The following FXR2 variants were observed in gnomAD, a reference collection of about 807,000 sequenced individuals.
FXR2 encodes FMR1 autosomal homolog 2, also known as RNA-binding protein FXR2.
FXR2 carries 9 observed loss-of-function variants against 87.3 expected under a neutral mutation model. The observed-to-expected ratio is 0.10, with a 90% CI of 0.06 to 0.18. The LOEUF is 0.18. Among genes scored for constraint, FXR2 ranks in the 10% least tolerant of loss-of-function variants. FXR2 has a pLI of 1.00. For synonymous variants in FXR2, 331 were observed against 328.3 expected, an observed-to-expected ratio of 1.01 and a Z score of -0.09; for missense variants, 661 against 893.6, an observed-to-expected ratio of 0.74 and a Z score of 3.32.
rs2071928054 is a variant in FXR2, at chr17:7,614,633, G to A, written c.-101C>T. ...GCGTCTCCCCGGAGGAGGAGCCGGAGGGGGAGCCGCGGGGGGCGGGAGCCG... is the reference window on the plus strand; with the variant it reads ...GCGTCTCCCCGGAGGAGGAGCCGGAAGGGGAGCCGCGGGGGGCGGGAGCCG... On this transcript the variant is annotated 5_prime_UTR_variant, in exon 1 of 17. Transcript: ENST00000250113. The A allele has an allele frequency of 7.8e-6, 5 of 640,582 alleles. No individual in the cohort carries two copies. The highest frequency in any genetic ancestry group is 1.1e-5 in the Non-Finnish European group (5 of 451,406). The allele number at this position is 640,582 out of a possible 1,614,324, so 39.7% of individuals were successfully genotyped here.
chr17:7,604,718 C>T (rs1009698713), intron 3 of FXR2, among the ~76,000 whole-genome samples: 2 of 142,826 alleles, frequency 1.4e-5, no homozygotes, highest in African/African-American at 5.2e-5. Flanking sequence ...ATTTGGGATG[C>T]ATCTTTTTTT....
intron 1 of FXR2, 29 bp from the exon 2 acceptor site, chr17:7,606,178 A>C: frequency 6.9e-7 from 1 of 1,447,562 alleles, no homozygotes; most frequent in Non-Finnish European, 9.5e-7. Flanking sequence ...AAAAGCAAAA[A>C]AAATAAAATG....
chr17:7,610,996 A>C (rs1294502425), intron 1 of FXR2, among the ~76,000 whole-genome samples: 2 of 152,238 alleles, frequency 1.3e-5, no homozygotes, highest in Admixed American at 6.5e-5. Flanking sequence ...GGAGAAGAGC[A>C]GGAACAGTCT....
chr17:7,608,279 T>C (rs943558260), intron 1 of FXR2, among the ~76,000 whole-genome samples: 1 of 151,708 alleles, frequency 6.6e-6, no homozygotes, highest in African/African-American at 2.4e-5. Flanking sequence ...AGATATCTTG[T>C]TCCAGCACTG....
intron 6 of FXR2, among the ~76,000 whole-genome samples, chr17:7,601,935 A>G (rs970320152): frequency 1.3e-5 from 2 of 152,132 alleles, no homozygotes; most frequent in Non-Finnish European, 2.9e-5. Context: ...TCAAAAAAAA[A>G]AGAAATGAAG....
intron 7 of FXR2, among the ~76,000 whole-genome samples, chr17:7,596,801 T>G (rs2071711213): frequency 6.6e-6 from 1 of 152,078 alleles, no homozygotes; most frequent in African/African-American, 2.4e-5. Flanking sequence ...CTCAACAACT[T>G]AAGTAAAAAG....
At chr17:7,601,962 T>A (rs906093568) in intron 6 of FXR2, among the ~76,000 whole-genome samples, 2 of 151,970 alleles carry the variant, frequency 1.3e-5, no homozygotes, top group Non-Finnish European at 2.9e-5. Flanking sequence ...AGGAGGAGAC[T>A]CATTGTCAGT....
intron 1 of FXR2, among the ~76,000 whole-genome samples, chr17:7,609,924 G>A (rs1255724126): frequency 1.7e-5 from 2 of 120,798 alleles, no homozygotes; most frequent in African/African-American, 3.4e-5. Flanking sequence ...ATATATACAT[G>A]TATATGTATA....
In FXR2 at chr17:7,594,787, TAAAAC is replaced by T; in HGVS notation, c.832-35_832-31del. 7.1e-7 allele frequency: 1 copy of T among 1,411,466 alleles called. No homozygotes were observed. Among genetic ancestry groups the T allele is most frequent in the Non-Finnish European group, 1.0e-6 (1 of 995,280 alleles). 87.4% of individuals were successfully genotyped at this position (1,411,466 alleles called of 1,614,324 possible). A position where few individuals can be genotyped will look rare whatever the true frequency, so the allele number is the denominator to read the frequency against. On this transcript the variant is annotated intron_variant, in intron 8 of 16. Coordinates refer to ENST00000250113, the MANE Select transcript of FXR2 (RefSeq NM_004860.4). The surrounding 1 kb of genome is among the most constrained non-coding windows in gnomAD (Gnocchi z 5.1). ...AGGAAGAACAGCAGGGAGTTGTTAC[TAAAAC>T]AGAAGACCAGCTGGATGTGGTGGCT...
Position 7,603,885 on chromosome 17 carries a change from A to G in FXR2, c.321T>C (p.Ala107=), listed in dbSNP as rs761551567. 6.2e-7 allele frequency: 1 copy of G among 1,614,040 alleles called. No homozygotes were observed. Among genetic ancestry groups the G allele is most frequent in the Non-Finnish European group, 8.5e-7 (1 of 1,179,900 alleles). ...MKGDFYVIEY[A]ACDATYNEIV... ...TTTCATTGTAGGTGGCATCACAGGC[A>G]GCATATTCAATGACATAGAACTGGC... The change falls in exon 5 of 17, where the codon GCT becomes GCC. Residue 107 remains alanine, a synonymous_variant. Coordinates refer to ENST00000250113, the MANE Select transcript of FXR2 (RefSeq NM_004860.4).
intron 7 of FXR2, among the ~76,000 whole-genome samples, chr17:7,597,545 A>T (rs1160472619): frequency 6.7e-6 from 1 of 150,122 alleles, no homozygotes; most frequent in African/African-American, 2.5e-5. Context: ...CAGTGGCATG[A>T]TCTCTGCTCA....
intron 7 of FXR2, among the ~76,000 whole-genome samples, chr17:7,599,866 G>A (rs2071739028): frequency 6.6e-6 from 1 of 152,084 alleles, no homozygotes; most frequent in Admixed American, 6.6e-5. Context: ...CGACAGAGAC[G>A]CTATCTCAAA....
At chr17:7,610,031 CATGT>C (rs1421515611) in intron 1 of FXR2, among the ~76,000 whole-genome samples, 1 of 116,562 alleles carries the variant, frequency 8.6e-6, no homozygotes, top group Non-Finnish European at 1.7e-5. Flanking sequence ...TATATGTATA[CATGT>C]ATGTATATAT....
rs953201437 is a variant in FXR2, at chr17:7,591,697, G to A, written c.*133C>T. ...CTCCACTAGCTCCTGGAGGTTGGGG[G>A]GTACCCAAGCTGCTGTGCCACCCCC... is the stretch of plus-strand genomic sequence containing the variant. On this transcript the variant is annotated 3_prime_UTR_variant, in exon 17 of 17. Coordinates refer to ENST00000250113, the MANE Select transcript of FXR2 (RefSeq NM_004860.4). This position sits in a 1 kb window ranked among gnomAD's most constrained non-coding sequence, Gnocchi z 4.0. 1.4e-6 allele frequency: 1 copy of A among 701,124 alleles called. No homozygotes were observed. Among genetic ancestry groups the A allele is most frequent in the Non-Finnish European group, 2.6e-6 (1 of 378,906 alleles). 43.4% of individuals were successfully genotyped at this position (701,124 alleles called of 1,614,324 possible).
Position 7,614,721 on chromosome 17 carries a change from C to A in FXR2, c.-189G>T. ...AGGGGGCCGGGGCCGGGCCGCTCCC[C>A]GTCCGCCGCCGCCGCCTTGGTCTCC... On this transcript the variant is annotated 5_prime_UTR_variant, in exon 1 of 17. Coordinates refer to ENST00000250113, the MANE Select transcript of FXR2 (RefSeq NM_004860.4). The A allele has an allele frequency of 3.6e-6, 1 of 274,652 alleles. No homozygotes were observed. The highest frequency in any genetic ancestry group is 6.7e-6 in the Non-Finnish European group (1 of 148,486). 17.0% of individuals were successfully genotyped at this position (274,652 alleles called of 1,614,324 possible).
At position 7,593,282 on chromosome 17, in the gene FXR2, C is replaced by T; in HGVS notation, c.1331-101G>A. On this transcript the variant is annotated intron_variant, in intron 12 of 16. Coordinates refer to ENST00000250113, the MANE Select transcript of FXR2 (RefSeq NM_004860.4). The surrounding 1 kb of genome is among the most constrained non-coding windows in gnomAD (Gnocchi z 6.1). ...ATTCTCCTTCTCACTCACAAGCCTC[C>T]CAGCCAATCAATCACTTTTTCATCA... The T allele has an allele frequency of 8.1e-7, 1 of 1,227,674 alleles. No individual in the cohort carries two copies. Among genetic ancestry groups the T allele is most frequent in the East Asian group, 2.5e-5 (1 of 39,264 alleles). The allele number at this position is 1,227,674 out of a possible 1,614,324, so 76.0% of individuals were successfully genotyped here. A position where few individuals can be genotyped will look rare whatever the true frequency, so the allele number is the denominator to read the frequency against.
chr17:7,593,790 C>A lies in FXR2; in HGVS notation c.1107+128G>T. ...ATTCTGGGACCCAACCCTATAGCCC[C>A]AAATTTCCACAGATGTTTTCTGTTC... On this transcript the variant is annotated intron_variant, in intron 11 of 16. Transcript: ENST00000250113. The surrounding 1 kb of genome is among the most constrained non-coding windows in gnomAD (Gnocchi z 6.1). 1.2e-6 allele frequency: 1 copy of A among 808,668 alleles called. No homozygotes were observed. The highest frequency in any genetic ancestry group is 2.0e-6 in the Non-Finnish European group (1 of 489,974). The allele number at this position is 808,668 out of a possible 1,614,324, so 50.1% of individuals were successfully genotyped here. A position where few individuals can be genotyped will look rare whatever the true frequency, so the allele number is the denominator to read the frequency against.
chr17:7,609,589 T>G (rs1212981803), intron 1 of FXR2, among the ~76,000 whole-genome samples: 1 of 152,180 alleles, frequency 6.6e-6, no homozygotes, highest in African/African-American at 2.4e-5. Context: ...ACCTGAGTTA[T>G]GAGCATGTTC....
At position 7,602,918 on chromosome 17, in the gene FXR2, G is replaced by C; in HGVS notation, c.534C>G (p.Leu178=). Residue 178 remains leucine, a synonymous_variant, in exon 6 of 17, where the codon CTC becomes CTG. Transcript: ENST00000250113. ...GGCAGAATAAACTCACCAGAATGAA[G>C]AGCTCACTGTTTGTGATGTTGAGAA... ...CIFLNITNSE[L]FILSTTEAPV... 6.7e-7 allele frequency: 1 copy of C among 1,482,654 alleles called. No homozygotes were observed. Among genetic ancestry groups the C allele is most frequent in the Non-Finnish European group, 9.4e-7 (1 of 1,061,822 alleles). The allele number at this position is 1,482,654 out of a possible 1,614,324, so 91.8% of individuals were successfully genotyped here. A position where few individuals can be genotyped will look rare whatever the true frequency, so the allele number is the denominator to read the frequency against.
Sources: allele counts gnomAD v4.1 joint callset (sites outside exome capture counted in the v4.1 genomes callset), GRCh38; gene constraint gnomAD v4.1.1; non-coding constraint Gnocchi (gnomAD v3.1); transcripts MANE v1.5; gene names NCBI Gene and HGNC (gene_info 2026-07-23, HGNC 2026-07-21).